Variants in KITLG observed in about 807,000 individuals in gnomAD.
KITLG encodes KIT ligand, also known as c-Kit ligand.
Under a neutral mutation model 34.1 loss-of-function variants are expected in KITLG, and 13 were observed. The ratio of observed to expected loss-of-function variants is 0.38; its 90% confidence interval spans 0.25 to 0.61. KITLG has a LOEUF of 0.61. Among genes scored for constraint, KITLG ranks in the 20% least tolerant of loss-of-function variants. The probability of loss-of-function intolerance (pLI) is 0.60; values close to 1 mark genes in which losing one functional copy is unlikely to be tolerated. For missense variants in KITLG, 292 were observed against 318.9 expected (o/e 0.92, Z 0.64); for synonymous variants, 110 against 104.0 (o/e 1.06, Z -0.35).
intron 6 of KITLG, among the ~76,000 whole-genome samples, chr12:88,508,541 A>T (rs1398493311): frequency 1.3e-5 from 2 of 151,006 alleles, no homozygotes; most frequent in Non-Finnish European, 2.9e-5. Flanking sequence ...GATGGGATGT[A>T]TGGATGTGTG....
At chr12:88,580,158 G>T in intron 1 of KITLG, 106 bp downstream of exon 1, 2 of 1,210,762 alleles carry the variant, frequency 1.7e-6, no homozygotes, top group Non-Finnish European at 1.2e-6. Flanking sequence ...GGCAGGCACA[G>T]CCCTGCACGC....
At chr12:88,507,881 G>C (rs1380745188) in intron 6 of KITLG, among the ~76,000 whole-genome samples, 1 of 152,062 alleles carries the variant, frequency 6.6e-6, no homozygotes, top group Non-Finnish European at 1.5e-5. Context: ...TCTTCCATGA[G>C]AAGCAAAATG....
chr12:88,538,144 G>A (rs1218772241), intron 2 of KITLG, among the ~76,000 whole-genome samples: 2 of 152,028 alleles, frequency 1.3e-5, no homozygotes, highest in South Asian at 4.2e-4. Context: ...TAAATGCGAG[G>A]GAGTGGGACA....
At chr12:88,553,845 C>T (rs938612111) in intron 1 of KITLG, among the ~76,000 whole-genome samples, 1 of 152,152 alleles carries the variant, frequency 6.6e-6, no homozygotes, top group African/African-American at 2.4e-5. Flanking sequence ...ACAGATGTGG[C>T]TGGTCCTTTT....
chr12:88,539,373 A>G (rs1870438782), intron 2 of KITLG, among the ~76,000 whole-genome samples: 1 of 152,106 alleles, frequency 6.6e-6, no homozygotes, highest in African/African-American at 2.4e-5. Context: ...TTTCAGACCT[A>G]GCAAAGTTTA....
At chr12:88,519,768 C>T (rs577563536) in intron 3 of KITLG, among the ~76,000 whole-genome samples, 21 of 152,104 alleles carry the variant, frequency 1.4e-4, no homozygotes, top group Admixed American at 4.6e-4. Flanking sequence ...CACTACAAGG[C>T]GCATGCTACC....
chr12:88,560,029 G>A (rs1871246419), intron 1 of KITLG, among the ~76,000 whole-genome samples: 1 of 152,212 alleles, frequency 6.6e-6, no homozygotes, highest in Non-Finnish European at 1.5e-5. Context: ...GTAAGATATG[G>A]ATTCAAATCC....
intron 1 of KITLG, among the ~76,000 whole-genome samples, chr12:88,548,454 CAA>C (rs67719813): frequency 0.68 from 99,256 of 146,462 alleles, 36,170 homozygotes; most frequent in Middle Eastern, 0.87. Flanking sequence ...ACTACATCAC[CAA>C]AAAAAAAAAA....
intron 1 of KITLG, among the ~76,000 whole-genome samples, chr12:88,554,418 C>A (rs373489902): frequency 2.1e-4 from 32 of 152,262 alleles, no homozygotes; most frequent in Non-Finnish European, 4.4e-4. Flanking sequence ...CACAGACCTA[C>A]GAAATGGTAT....
chr12:88,519,797 AT>A (rs1403061282), intron 3 of KITLG, among the ~76,000 whole-genome samples: 2 of 151,762 alleles, frequency 1.3e-5, no homozygotes, highest in African/African-American at 2.4e-5. Flanking sequence ...CTAATTTTTA[AT>A]TTTTTTATAT....
intron 1 of KITLG, among the ~76,000 whole-genome samples, chr12:88,557,666 G>T (rs944274954): frequency 1.3e-5 from 2 of 151,970 alleles, no homozygotes; most frequent in Admixed American, 1.3e-4. Context: ...TATATCTACC[G>T]CCAACTCTCT....
chr12:88,507,113 T>C lies in KITLG; in HGVS notation c.629A>G (p.Asp210Gly), dbSNP rs373521411. Residue 210 changes from aspartate (D) to glycine (G), a missense_variant, in exon 7 of 10, where the codon GAC becomes GGC. Asp to Gly is a moderately conservative substitution (Grantham distance 94). Transcript: ENST00000644744. ...SNRKAKNPPG[D>G]SSLHWAAMAL... Reference sequence around the variant, plus strand: ...CATGGCTGCCCAGTGTAGGCTGGAGTCTCCAGGGGGATTTTTGGCCTTCCC... The same window carrying C: ...CATGGCTGCCCAGTGTAGGCTGGAGCCTCCAGGGGGATTTTTGGCCTTCCC... 1.5e-5 allele frequency: 24 copies of C among 1,612,564 alleles called. No individual in the cohort carries two copies. Among genetic ancestry groups the C allele is most frequent in the Non-Finnish European group, 1.4e-5 (16 of 1,178,876 alleles).
At position 88,503,706 on chromosome 12, in the gene KITLG, T is replaced by A. The variant is rs562553322; in HGVS notation, c.*37+1453A>T. Among the ~76,000 whole-genome samples, 40 of 152,236 alleles carry A rather than the reference T, an allele frequency of 2.6e-4. No homozygotes were observed. The South Asian group carries it at 8.3e-3, about 32-fold the overall frequency. On this transcript the variant is annotated intron_variant, in intron 9 of 9. Coordinates refer to ENST00000644744, the MANE Select transcript of KITLG (RefSeq NM_000899.5). The stretch of plus-strand genomic sequence containing the variant: ...ATACCAGTACCTTCTAGCCACATCT[T>A]ACTCTCCTTTCTCCCACAATCCCTC...
At chr12:88,534,831 C>G in intron 2 of KITLG, 1 of 363,718 alleles carries the variant, frequency 2.7e-6, no homozygotes, top group South Asian at 2.1e-5. Flanking sequence ...TCATCCTCAT[C>G]TTTGAAAGGA....
chr12:88,546,012 C>T, intron 1 of KITLG, 147 bp from the exon 2 acceptor site: 1 of 733,582 alleles, frequency 1.4e-6, no homozygotes. Flanking sequence ...CGCATTCAAG[C>T]TATGCTCACC....
chr12:88,560,047 G>C (rs1328393970), intron 1 of KITLG, among the ~76,000 whole-genome samples: 1 of 152,198 alleles, frequency 6.6e-6, no homozygotes, highest in Admixed American at 6.5e-5. Flanking sequence ...TCCTGGTGCT[G>C]TCACGTGTTG....
chr12:88,565,145 T>G (rs1268451312), intron 1 of KITLG, among the ~76,000 whole-genome samples: 1 of 152,228 alleles, frequency 6.6e-6, no homozygotes, highest in Non-Finnish European at 1.5e-5. Flanking sequence ...CAACTCCTTT[T>G]AGACAAAGAC....
intron 6 of KITLG, among the ~76,000 whole-genome samples, chr12:88,515,327 T>C (rs1040307144): frequency 6.6e-6 from 1 of 151,842 alleles, no homozygotes; most frequent in African/African-American, 2.4e-5. Context: ...AGCAGAAAAT[T>C]TATTGGCCTA....
At chr12:88,537,258 T>C (rs529413978) in intron 2 of KITLG, among the ~76,000 whole-genome samples, 1 of 152,064 alleles carries the variant, frequency 6.6e-6, no homozygotes, top group South Asian at 2.1e-4. Flanking sequence ...ATAAAGACAA[T>C]GTGATACATA....
Sources: allele counts gnomAD v4.1 joint callset (sites outside exome capture counted in the v4.1 genomes callset), GRCh38; gene constraint gnomAD v4.1.1; transcripts MANE v1.5; gene names NCBI Gene and HGNC (gene_info 2026-07-23, HGNC 2026-07-21).